Variants in EPHB2 observed in about 807,000 individuals in gnomAD.
EPHB2 encodes the protein ephrin type-B receptor 2.
EPHB2 carries 18 observed loss-of-function variants against 96.4 expected under a neutral mutation model. That is an observed-to-expected ratio of 0.19 (90% CI 0.13 to 0.28). The LOEUF (loss-of-function observed/expected upper bound fraction) is 0.28, where lower values mean the gene tolerates loss of function less well. Ranked by LOEUF, EPHB2 falls within the 10% of genes least tolerant of loss-of-function variation. The pLI, the probability that EPHB2 is intolerant of heterozygous loss-of-function variation, is 1.00. For synonymous variants in EPHB2, 506 were observed against 534.1 expected (o/e 0.95, Z 0.72); for missense variants, 989 against 1,355.4 (o/e 0.73, Z 4.25).
chr1:22,875,531 A>G lies in EPHB2; in HGVS notation c.1304-6828A>G, dbSNP rs1183055010. ...GGGCCTTTGTTTTAGTGGCCAGCCC[A>G]CAAGGTCGGTAGACTCGGGTTCCTG... On this transcript the variant is annotated intron_variant, in intron 5 of 15. Coordinates refer to ENST00000374630, the MANE Select transcript of EPHB2 (RefSeq NM_017449.5). This position sits in a 1 kb window ranked among gnomAD's most constrained non-coding sequence, Gnocchi z 4.2. Among the ~76,000 whole-genome samples the G allele has an allele frequency of 6.6e-6, 1 of 152,182 alleles. No homozygotes were observed. Among genetic ancestry groups the G allele is most frequent in the Non-Finnish European group, 1.5e-5 (1 of 68,026 alleles).
At chr1:22,802,410 A>T (rs1644857708) in intron 3 of EPHB2, among the ~76,000 whole-genome samples, 1 of 151,996 alleles carries the variant, frequency 6.6e-6, no homozygotes, top group African/African-American at 2.4e-5. Context: ...GGAGGTGGGG[A>T]CCCTAAGAAT....
At chr1:22,767,169 C>T (rs960284853) in intron 1 of EPHB2, among the ~76,000 whole-genome samples, 1 of 152,210 alleles carries the variant, frequency 6.6e-6, no homozygotes, top group African/African-American at 2.4e-5. Flanking sequence ...GGGCCTCAGG[C>T]CCAGTCCAAA....
chr1:22,909,211 C>A, intron 13 of EPHB2, 40 bp downstream of exon 13: 1 of 1,613,936 alleles, frequency 6.2e-7, no homozygotes, highest in Non-Finnish European at 8.5e-7. Context: ...CTCTGGCCCA[C>A]CAGATGGGAG....
chr1:22,872,107 C>T (rs527579360), intron 5 of EPHB2, among the ~76,000 whole-genome samples: 60 of 152,150 alleles, frequency 3.9e-4, no homozygotes, highest in Non-Finnish European at 7.1e-4. Context: ...AGGGACAATC[C>T]GTTTTCTTGC....
At chr1:22,864,709 A>G (rs1638406006) in intron 4 of EPHB2, among the ~76,000 whole-genome samples, 168 bp from the exon 5 acceptor site, 1 of 152,212 alleles carries the variant, frequency 6.6e-6, no homozygotes, top group African/African-American at 2.4e-5. Context: ...GCAGATGTAC[A>G]GCAGGCTAAC....
At chr1:22,851,628 A>C (rs140988660) in intron 3 of EPHB2, among the ~76,000 whole-genome samples, 16 of 152,268 alleles carry the variant, frequency 1.1e-4, no homozygotes, top group Middle Eastern at 3.4e-3. Context: ...TAGTCATAAA[A>C]TAAGGAACTT....
intron 3 of EPHB2, among the ~76,000 whole-genome samples, chr1:22,799,660 G>A (rs1283267430): frequency 1.3e-5 from 2 of 152,192 alleles, no homozygotes; most frequent in African/African-American, 4.8e-5. Context: ...GGGGTTCAGA[G>A]AAGCCAAGTG....
rs755486424 is a variant in EPHB2 at position 22,882,350 on chromosome 1, C to G, written c.1304-9C>G. ...CTCCCTGATCCCTGACCTCTGGCCT[C>G]TCTTCCAGCTCCATCGGCAGTGTCC... On this transcript the variant is annotated splice_polypyrimidine_tract_variant and intron_variant, in intron 5 of 15. Coordinates refer to ENST00000374630, the MANE Select transcript of EPHB2 (RefSeq NM_017449.5). 9 of 1,613,578 alleles carry G rather than the reference C, an allele frequency of 5.6e-6. 1 individual carries two copies. The highest frequency in any genetic ancestry group is 4.5e-5 in the East Asian group (2 of 44,890).
intron 1 of EPHB2, among the ~76,000 whole-genome samples, chr1:22,761,499 G>A (rs1644235540): frequency 6.6e-6 from 1 of 152,190 alleles, no homozygotes; most frequent in Non-Finnish European, 1.5e-5. Flanking sequence ...AAGCATTGGA[G>A]CCATGTCCAC....
chr1:22,764,780 T>C (rs10753544), intron 1 of EPHB2, among the ~76,000 whole-genome samples: 61,765 of 151,738 alleles, frequency 0.41, 12,935 homozygotes, highest in Middle Eastern at 0.56. Flanking sequence ...TCTCAGACCC[T>C]GGGATGTGCC....
Position 22,781,407 on chromosome 1 carries a change from T to G in EPHB2, c.62-14T>G, listed in dbSNP as rs1246203234. On this transcript the variant is annotated splice_polypyrimidine_tract_variant and intron_variant, in intron 1 of 15. Coordinates refer to ENST00000374630, the MANE Select transcript of EPHB2 (RefSeq NM_017449.5). Reference sequence around the variant, plus strand: ...TAGGTGGGGCGGGGTGGTGACTCTTTGCTCTCCCCACAGAAACGCTAATGG... The same window carrying G: ...TAGGTGGGGCGGGGTGGTGACTCTTGGCTCTCCCCACAGAAACGCTAATGG... 4.0e-5 allele frequency: 64 copies of G among 1,613,468 alleles called. No homozygotes were observed. The highest frequency in any genetic ancestry group is 5.3e-5 in the Non-Finnish European group (63 of 1,179,844).
rs566259953 is a variant in EPHB2, at chr1:22,764,617, G to C, written c.62-16804G>C. Among the ~76,000 whole-genome samples the C allele has an allele frequency of 6.8e-4, 104 of 152,050 alleles. 1 individual carries two copies. Among genetic ancestry groups the C allele is most frequent in the African/African-American group, 2.5e-3 (103 of 41,476 alleles). On this transcript the variant is annotated intron_variant, in intron 1 of 15. Transcript: ENST00000374630. ...GAAAATTACCTGGGTGTGGTGGCTC[G>C]CACCTATAATCCCAGCTGTTCAGGA...
intron 1 of EPHB2, among the ~76,000 whole-genome samples, chr1:22,749,715 G>A (rs963444167): frequency 6.6e-5 from 10 of 152,236 alleles, no homozygotes; most frequent in Admixed American, 2.6e-4. Context: ...TATGTCTACC[G>A]GAGCCATTCA....
intron 9 of EPHB2, among the ~76,000 whole-genome samples, chr1:22,901,168 G>A (rs1557745851): frequency 6.6e-6 from 1 of 152,162 alleles, no homozygotes; most frequent in South Asian, 2.1e-4. Flanking sequence ...TTTAATAATA[G>A]CCAGCTCTTC....
intron 5 of EPHB2, among the ~76,000 whole-genome samples, chr1:22,873,297 G>A (rs1028601026): frequency 3.3e-5 from 5 of 152,172 alleles, no homozygotes; most frequent in African/African-American, 4.8e-5. Flanking sequence ...GCTGTCCACT[G>A]GTCTGGAGTG....
chr1:22,720,430 T>G (rs1452876492), intron 1 of EPHB2, among the ~76,000 whole-genome samples: 1 of 152,156 alleles, frequency 6.6e-6, no homozygotes, highest in African/African-American at 2.4e-5. Flanking sequence ...CTGAATCAGG[T>G]GACACTCAGA....
At chr1:22,834,860 G>A (rs1180443973) in intron 3 of EPHB2, among the ~76,000 whole-genome samples, 1 of 151,546 alleles carries the variant, frequency 6.6e-6, no homozygotes, top group Admixed American at 6.6e-5. Context: ...GCGAGGCAGA[G>A]GTTGCAGTGA....
chr1:22,844,123 T>C (rs568360416), intron 3 of EPHB2, among the ~76,000 whole-genome samples: 48 of 152,246 alleles, frequency 3.2e-4, no homozygotes, highest in Admixed American at 4.6e-4. Flanking sequence ...TGCATGTGTC[T>C]CTGTGGTAGA....
chr1:22,817,065 A>G (rs918775395), intron 3 of EPHB2, among the ~76,000 whole-genome samples: 1 of 152,338 alleles, frequency 6.6e-6, no homozygotes, highest in East Asian at 1.9e-4. Context: ...AGGAAGATCA[A>G]TACCAAGGTG....
Sources: gnomAD v4.1 joint callset for allele counts (sites outside exome capture counted in the v4.1 genomes callset) on GRCh38, gnomAD v4.1.1 for gene constraint, Gnocchi (gnomAD v3.1) non-coding constraint, MANE v1.5 for transcripts, NCBI Gene and HGNC (gene_info 2026-07-23, HGNC 2026-07-21) for gene names.